SPOCK3: variants seen among roughly 807,000 people sequenced by gnomAD.
SPOCK3 encodes the protein SPARC (osteonectin), cwcv and kazal like domains proteoglycan 3, also known as testican-3.
In SPOCK3, 30 loss-of-function variants were observed where a neutral mutation model predicts 56.6. That is an observed-to-expected ratio of 0.53 (90% CI 0.40 to 0.72). The LOEUF (loss-of-function observed/expected upper bound fraction) is 0.72, where lower values mean the gene tolerates loss of function less well. Ranked by LOEUF, SPOCK3 falls within the 30% of genes least tolerant of loss-of-function variation. SPOCK3 has a pLI of 0.00. For missense variants in SPOCK3, 527 were observed against 530.0 expected (o/e 0.99, Z 0.06); for synonymous variants, 196 against 183.3 (o/e 1.07, Z -0.56).
intron 2 of SPOCK3, among the ~76,000 whole-genome samples, chr4:167,098,064 T>C (rs1411311599): frequency 6.6e-6 from 1 of 151,980 alleles, no homozygotes; most frequent in Non-Finnish European, 1.5e-5. Context: ...TTATCTTAGG[T>C]GTGACAGAAA....
intron 6 of SPOCK3, among the ~76,000 whole-genome samples, chr4:166,840,518 T>C (rs545267524): frequency 1.3e-5 from 2 of 152,282 alleles, no homozygotes; most frequent in East Asian, 1.9e-4. Flanking sequence ...ATATCTGATG[T>C]TTCTGGGCTT....
rs369496407 is a variant in SPOCK3, at chr4:167,208,998, T to C, written c.189+24987A>G. ...ATCACTAATAGTGAAATATCTTTTT[T>C]GTCATTTTAATCTACAAATGAAGTG... On this transcript the variant is annotated intron_variant, in intron 2 of 10. Transcript: ENST00000357545. Among the ~76,000 whole-genome samples the C allele has an allele frequency of 1.1e-4, 16 of 152,304 alleles. No homozygotes were observed. In the East Asian group the frequency reaches 2.9e-3, roughly 28 times the overall value.
chr4:167,046,450 C>CTTTTTTTTTTTTTTTTTTTT (rs67108499), intron 3 of SPOCK3, among the ~76,000 whole-genome samples: 4 of 53,708 alleles, frequency 7.4e-5, no homozygotes, highest in Admixed American at 2.5e-4. Context: ...TTCTGATATT[C>CTTTTTTTTTTTTTTTTTTTT]TTTTTTTTTT....
chr4:167,227,562 GGGA>G (rs1317004954), intron 2 of SPOCK3, among the ~76,000 whole-genome samples: 19 of 152,042 alleles, frequency 1.2e-4, no homozygotes, highest in African/African-American at 4.6e-4. Context: ...TGTAGCTGTA[GGGA>G]GTTCACAGTC....
chr4:167,199,513 A>C (rs1399467759), intron 2 of SPOCK3, among the ~76,000 whole-genome samples: 2 of 151,878 alleles, frequency 1.3e-5, no homozygotes, highest in East Asian at 3.9e-4. Flanking sequence ...TTAGCTCCAC[A>C]GTTCTTCATG....
chr4:166,908,833 T>C (rs1736924877), intron 5 of SPOCK3, among the ~76,000 whole-genome samples: 1 of 152,060 alleles, frequency 6.6e-6, no homozygotes, highest in African/African-American at 2.4e-5. Context: ...TTCCTAGTTC[T>C]TACCGCAGCT....
chr4:166,970,861 C>A (rs1477750210), intron 4 of SPOCK3, among the ~76,000 whole-genome samples: 1 of 152,086 alleles, frequency 6.6e-6, no homozygotes, highest in African/African-American at 2.4e-5. Flanking sequence ...CCAACTCCAA[C>A]TACAGTCATA....
chr4:167,167,225 A>T (rs1352109647), intron 2 of SPOCK3, among the ~76,000 whole-genome samples: 1 of 152,148 alleles, frequency 6.6e-6, no homozygotes, highest in Non-Finnish European at 1.5e-5. Context: ...AAAAAATCAT[A>T]TTCACAGTAT....
At chr4:167,109,538 ATAAC>A (rs1466703339) in intron 2 of SPOCK3, among the ~76,000 whole-genome samples, 1 of 126,252 alleles carries the variant, frequency 7.9e-6, no homozygotes, top group Non-Finnish European at 1.6e-5. Context: ...TTATATAAAT[ATAAC>A]TATATATGTA....
chr4:166,764,368 G>A (rs1222051392), intron 7 of SPOCK3, among the ~76,000 whole-genome samples: 1 of 151,992 alleles, frequency 6.6e-6, no homozygotes, highest in Non-Finnish European at 1.5e-5. Context: ...AGGCCCTGGT[G>A]TGTGATGCTC....
At chr4:166,920,239 G>A (rs2149974895) in intron 4 of SPOCK3, among the ~76,000 whole-genome samples, 1 of 152,132 alleles carries the variant, frequency 6.6e-6, no homozygotes, top group Non-Finnish European at 1.5e-5. Flanking sequence ...GATGTAATAG[G>A]TTAAAAATGA....
chr4:167,010,764 G>T (rs577007210), intron 3 of SPOCK3, among the ~76,000 whole-genome samples: 15 of 152,148 alleles, frequency 9.9e-5, no homozygotes, highest in African/African-American at 3.6e-4. Context: ...AAAATTTGAT[G>T]ATTTGAAATT....
intron 7 of SPOCK3, among the ~76,000 whole-genome samples, chr4:166,777,736 C>T (rs1739723197): frequency 6.6e-6 from 1 of 151,760 alleles, no homozygotes; most frequent in South Asian, 2.1e-4. Context: ...GGCCTTGTCT[C>T]AAAAAAGGTA....
intron 2 of SPOCK3, among the ~76,000 whole-genome samples, chr4:167,071,487 G>A (rs1452414708): frequency 2.6e-5 from 4 of 151,624 alleles, no homozygotes; most frequent in East Asian, 2.0e-4. Context: ...GAGAACATGC[G>A]GTGCTTGGTT....
chr4:166,848,876 G>T (rs553340519), intron 6 of SPOCK3, among the ~76,000 whole-genome samples: 1 of 152,210 alleles, frequency 6.6e-6, no homozygotes, highest in East Asian at 1.9e-4. Context: ...CTATCACATG[G>T]ATAATTTTGT....
chr4:167,007,590 C>A (rs1418043421), intron 3 of SPOCK3, among the ~76,000 whole-genome samples: 1 of 152,076 alleles, frequency 6.6e-6, no homozygotes, highest in African/African-American at 2.4e-5. Flanking sequence ...CATCTGGCTG[C>A]AAAGAAGTCA....
At chr4:166,982,807 A>G (rs1304671817) in intron 4 of SPOCK3, among the ~76,000 whole-genome samples, 1 of 152,204 alleles carries the variant, frequency 6.6e-6, no homozygotes, top group African/African-American at 2.4e-5. Flanking sequence ...TTTTTAGACC[A>G]TTTATTAAGA....
intron 4 of SPOCK3, among the ~76,000 whole-genome samples, chr4:166,943,022 T>C (rs554939474): frequency 3.9e-5 from 6 of 152,334 alleles, no homozygotes; most frequent in South Asian, 4.1e-4. Flanking sequence ...TTGCATTCCA[T>C]GTAAATAGTT....
At chr4:166,855,834 C>G (rs1011115028) in intron 6 of SPOCK3, among the ~76,000 whole-genome samples, 6 of 152,136 alleles carry the variant, frequency 3.9e-5, no homozygotes, top group African/African-American at 1.4e-4. Context: ...GTTTCTAACA[C>G]TTTCTCAGGT....
Sources: allele counts gnomAD v4.1 joint callset (sites outside exome capture counted in the v4.1 genomes callset), GRCh38; gene constraint gnomAD v4.1.1; transcripts MANE v1.5; gene names NCBI Gene and HGNC (gene_info 2026-07-23, HGNC 2026-07-21).